Variants in ADD3 observed in about 807,000 individuals in gnomAD.
ADD3 encodes gamma-adducin.
Under a neutral mutation model 80.2 loss-of-function variants are expected in ADD3, and 25 were observed. The observed-to-expected ratio is 0.31, with a 90% CI of 0.23 to 0.44. ADD3 has a LOEUF of 0.44. Ranked by LOEUF, ADD3 falls within the 20% of genes least tolerant of loss-of-function variation. The pLI, the probability that ADD3 is intolerant of heterozygous loss-of-function variation, is 1.00. For missense variants in ADD3, 829 were observed against 847.5 expected (o/e 0.98, Z 0.27); for synonymous variants, 284 against 289.6 (o/e 0.98, Z 0.20).
chr10:109,999,336 T>C (rs1851438985), intron 1 of ADD3, among the ~76,000 whole-genome samples: 1 of 152,230 alleles, frequency 6.6e-6, no homozygotes, highest in African/African-American at 2.4e-5. Flanking sequence ...CTGTGGGACC[T>C]GTCTCAGAAA....
intron 1 of ADD3, among the ~76,000 whole-genome samples, chr10:110,036,423 G>A (rs148132325): frequency 0.011 from 1,507 of 135,044 alleles, 30 homozygotes; most frequent in African/African-American, 0.042. Context: ...TCTGTCGCCC[G>A]GGCTGGAGTG....
intron 1 of ADD3, among the ~76,000 whole-genome samples, chr10:110,076,369 GAA>G (rs1845378371): frequency 6.6e-6 from 1 of 152,028 alleles, no homozygotes; most frequent in Non-Finnish European, 1.5e-5. Context: ...CAAAATTATT[GAA>G]AAAGTGGGTG....
chr10:110,057,412 C>T (rs1564904527), intron 1 of ADD3, among the ~76,000 whole-genome samples: 1 of 152,168 alleles, frequency 6.6e-6, no homozygotes, highest in African/African-American at 2.4e-5. Context: ...AGTCCTCCTG[C>T]CTGGGTTTCC....
intron 1 of ADD3, among the ~76,000 whole-genome samples, chr10:109,998,522 A>C (rs369102891): frequency 4.5e-4 from 69 of 152,288 alleles, no homozygotes; most frequent in African/African-American, 1.6e-3. Context: ...GCAGCCAGGA[A>C]ATTCCAAAAA....
intron 1 of ADD3, among the ~76,000 whole-genome samples, chr10:110,060,824 G>A (rs1182138846): frequency 7.9e-5 from 12 of 152,232 alleles, no homozygotes; most frequent in East Asian, 1.9e-4. Flanking sequence ...GACAATTACC[G>A]TGTTCTATAG....
At chr10:110,123,656 G>A (rs533200918) in intron 9 of ADD3, among the ~76,000 whole-genome samples, 1 of 152,246 alleles carries the variant, frequency 6.6e-6, no homozygotes, top group South Asian at 2.1e-4. Flanking sequence ...GGCTCAGAAG[G>A]CTGACTGCCT....
At chr10:110,100,243 G>A (rs1395706679) in intron 1 of ADD3, among the ~76,000 whole-genome samples, 4 of 151,936 alleles carry the variant, frequency 2.6e-5, no homozygotes, top group South Asian at 2.1e-4. Context: ...CCAACTACTC[G>A]GGAGGCTGAG....
intron 1 of ADD3, among the ~76,000 whole-genome samples, chr10:110,096,692 C>T (rs1027625803): frequency 1.3e-5 from 2 of 152,094 alleles, no homozygotes; most frequent in African/African-American, 4.8e-5. Context: ...CTGCACGACC[C>T]TCAAAGTGTA....
chr10:110,101,928 G>C (rs1332674184), intron 2 of ADD3, among the ~76,000 whole-genome samples: 1 of 152,114 alleles, frequency 6.6e-6, no homozygotes, highest in Non-Finnish European at 1.5e-5. Flanking sequence ...TTAGCACCAA[G>C]GCATAGAGCT....
At chr10:110,036,579 C>G (rs533425629) in intron 1 of ADD3, among the ~76,000 whole-genome samples, 1 of 151,740 alleles carries the variant, frequency 6.6e-6, no homozygotes, top group African/African-American at 2.4e-5. Flanking sequence ...GGGGTTTCAC[C>G]GTAAGGATGG....
intron 1 of ADD3, among the ~76,000 whole-genome samples, chr10:110,057,993 T>C (rs1858413449): frequency 6.6e-6 from 1 of 152,244 alleles, no homozygotes; most frequent in African/African-American, 2.4e-5. Context: ...TCATTTCCCT[T>C]ATGCATATTT....
intron 1 of ADD3, among the ~76,000 whole-genome samples, chr10:110,031,848 G>A (rs915028709): frequency 2.0e-5 from 3 of 151,572 alleles, no homozygotes; most frequent in African/African-American, 7.3e-5. Flanking sequence ...TAAGGTTTTA[G>A]AATATGATTT....
chr10:110,072,539 G>A (rs891207258), intron 1 of ADD3, among the ~76,000 whole-genome samples: 6 of 152,142 alleles, frequency 3.9e-5, no homozygotes, highest in South Asian at 2.1e-4. Flanking sequence ...AGGCTTTACC[G>A]GGTGGAGGCC....
At chr10:110,084,587 T>C (rs1846468155) in intron 1 of ADD3, among the ~76,000 whole-genome samples, 1 of 152,180 alleles carries the variant, frequency 6.6e-6, no homozygotes. Flanking sequence ...TTGGGACACG[T>C]CACTCTCTCT....
chr10:110,059,833 GT>G (rs1858671039), intron 1 of ADD3, among the ~76,000 whole-genome samples: 1 of 152,144 alleles, frequency 6.6e-6, no homozygotes, highest in Non-Finnish European at 1.5e-5. Flanking sequence ...GCCAAAGTTG[GT>G]TTTGTCTTTC....
At position 110,064,145 on chromosome 10, in the gene ADD3, A is replaced by G. The variant is rs556306220; in HGVS notation, c.-29-36480A>G. Reference sequence around the variant, plus strand: ...TGAACATAAAATAATTCATTTAGATAATGGTCATTCAGATTGTTTCCAGTT... The same window carrying G: ...TGAACATAAAATAATTCATTTAGATGATGGTCATTCAGATTGTTTCCAGTT... On this transcript the variant is annotated intron_variant, in intron 1 of 14. Coordinates refer to ENST00000356080, the MANE Select transcript of ADD3 (RefSeq NM_016824.5). 3.9e-5 allele frequency among the ~76,000 whole-genome samples: 6 copies of G among 152,260 alleles called. No homozygotes were observed. The East Asian group carries it at 1.2e-3, about 29-fold the overall frequency.
At chr10:110,061,385 A>G (rs1255021352) in intron 1 of ADD3, among the ~76,000 whole-genome samples, 4 of 152,178 alleles carry the variant, frequency 2.6e-5, no homozygotes, top group South Asian at 2.1e-4. Context: ...GTTTCTGTGT[A>G]TGTCCCCTTA....
chr10:110,051,849 C>T (rs149197413), intron 1 of ADD3, among the ~76,000 whole-genome samples: 1,740 of 152,274 alleles, frequency 0.011, 25 homozygotes, highest in African/African-American at 0.039. Context: ...GTTGCCCAGG[C>T]TGAAGTGTAG....
chr10:110,132,924 CAAAAAAAAA>C, intron 14 of ADD3, among the ~76,000 whole-genome samples: 1 of 66,276 alleles, frequency 1.5e-5, no homozygotes, highest in African/African-American at 4.9e-5. Flanking sequence ...GACTCCGCCT[CAAAAAAAAA>C]AAAAAAAAAA....
Sources: gnomAD v4.1 joint callset for allele counts (sites outside exome capture counted in the v4.1 genomes callset) on GRCh38, gnomAD v4.1.1 for gene constraint, MANE v1.5 for transcripts, NCBI Gene and HGNC (gene_info 2026-07-23, HGNC 2026-07-21) for gene names.